The following CRYBG3 variants were observed in gnomAD, a reference collection of about 807,000 sequenced individuals.
CRYBG3 encodes very large A-kinase anchor protein.
Under a neutral mutation model 244.2 loss-of-function variants are expected in CRYBG3, and 127 were observed. That is an observed-to-expected ratio of 0.52 (90% CI 0.45 to 0.60). CRYBG3 has a LOEUF of 0.60. Ranked by LOEUF, CRYBG3 falls within the 20% of genes least tolerant of loss-of-function variation. CRYBG3 has a pLI of 0.00. For synonymous variants in CRYBG3, 1,132 were observed against 1,195.8 expected, an observed-to-expected ratio of 0.95 and a Z score of 1.10; for missense variants, 3,325 against 3,442.5, an observed-to-expected ratio of 0.97 and a Z score of 0.85.
At chr3:97,863,874 T>A (rs2039186684) in intron 2 of CRYBG3, among the ~76,000 whole-genome samples, 1 of 152,160 alleles carries the variant, frequency 6.6e-6, no homozygotes, top group South Asian at 2.1e-4. Flanking sequence ...GAGCATCACA[T>A]AGTCACTTTT....
At position 97,873,917 on chromosome 3, in the gene CRYBG3, A is replaced by C; in HGVS notation, c.2723A>C (p.Gln908Pro). 1 of 1,536,026 alleles carries C rather than the reference A, an allele frequency of 6.5e-7. No homozygotes were observed. Among genetic ancestry groups the C allele is most frequent in the East Asian group, 2.4e-5 (1 of 40,910 alleles). ...CSDAGLKENC[Q>P]AELSPAASKY... ...GATGCTGGCCTTAAAGAGAATTGCC[A>C]AGCTGAGCTTTCTCCTGCTGCCTCC... The change falls in exon 4 of 22, where the codon CAA (glutamine) becomes CCA (proline). Residue 908 changes from glutamine (Q) to proline (P), a missense_variant. Coordinates refer to ENST00000389622, the MANE Select transcript of CRYBG3 (RefSeq NM_153605.4).
At chr3:97,879,232 T>C (rs552521957) in intron 4 of CRYBG3, among the ~76,000 whole-genome samples, 13 of 152,302 alleles carry the variant, frequency 8.5e-5, no homozygotes, top group African/African-American at 2.4e-4. Flanking sequence ...CAGTACACTT[T>C]TCCCCAGGAT....
intron 17 of CRYBG3, among the ~76,000 whole-genome samples, chr3:97,926,737 T>A (rs1345399284): frequency 6.6e-6 from 1 of 152,028 alleles, no homozygotes; most frequent in East Asian, 1.9e-4. Context: ...GGATACAAAA[T>A]CAGTGTAGAA....
In CRYBG3 at chr3:97,911,335, A is replaced by C. The variant is rs148214913; in HGVS notation, c.8005-832A>C. ...GTTCCAAGTCTCCAGTGTGTTATGA[A>C]ATTTTTACGGGCTCTTTAATTTTTT... On this transcript the variant is annotated intron_variant, in intron 15 of 21. Transcript: ENST00000389622. Among the ~76,000 whole-genome samples, 9 of 152,204 alleles carry C rather than the reference A, an allele frequency of 5.9e-5. No homozygotes were observed. In the East Asian group the frequency reaches 1.5e-3, roughly 26 times the overall value.
In CRYBG3 at chr3:97,892,940, G is replaced by T. The variant is rs1488061268; in HGVS notation, c.7521G>T (p.Leu2507Phe). ...ATATAGATTCTGTTCCTAATTTTTT[G>T]AAAAATAATGGAGATTTTCACAGAA... Reference protein sequence around the residue: ...SEHIDSVPNFLKNNGDFHRIG... With the variant: ...SEHIDSVPNFFKNNGDFHRIG... The change falls in exon 11 of 22, where the codon TTG (leucine) becomes TTT (phenylalanine). Residue 2507 changes from leucine (L) to phenylalanine (F), a missense_variant. Around this residue, in one of 4 missense-constraint regions of CRYBG3, gnomAD observed 714 missense variants for 803.6 expected, o/e 0.89. Coordinates refer to ENST00000389622, the MANE Select transcript of CRYBG3 (RefSeq NM_153605.4). 6.2e-7 allele frequency: 1 copy of T among 1,601,238 alleles called. No homozygotes were observed. Among genetic ancestry groups the T allele is most frequent in the East Asian group, 2.3e-5 (1 of 44,172 alleles).
At chr3:97,919,361 G>GA (rs2108255810) in intron 17 of CRYBG3, among the ~76,000 whole-genome samples, 1 of 152,130 alleles carries the variant, frequency 6.6e-6, no homozygotes, top group Non-Finnish European at 1.5e-5. Flanking sequence ...AAGCATCTGG[G>GA]AAAAATAATA....
At chr3:97,926,975 A>G (rs1420456686) in intron 17 of CRYBG3, among the ~76,000 whole-genome samples, 1 of 152,112 alleles carries the variant, frequency 6.6e-6, no homozygotes, top group African/African-American at 2.4e-5. Context: ...CAATGTCATT[A>G]AAATGGCCAT....
At chr3:97,843,700 G>T (rs2038856011) in intron 2 of CRYBG3, among the ~76,000 whole-genome samples, 1 of 152,288 alleles carries the variant, frequency 6.6e-6, no homozygotes, top group East Asian at 1.9e-4. Context: ...TCTGTGTTAG[G>T]TGTGTTTGGT....
At position 97,874,660 on chromosome 3, in the gene CRYBG3, G is replaced by A. The variant is rs752367323; in HGVS notation, c.3466G>A (p.Ala1156Thr). 15 of 1,535,886 alleles carry A rather than the reference G, an allele frequency of 9.8e-6. No individual in the cohort carries two copies. The highest frequency in any genetic ancestry group is 1.3e-5 in the Non-Finnish European group (15 of 1,146,860). Reference protein sequence around the residue: ...FDNLVEAETGAVAGPAASVNS... With the variant: ...FDNLVEAETGTVAGPAASVNS... ...CAATCTCGTGGAAGCAGAGACTGGAGCAGTTGCTGGGCCTGCAGCGTCAGT... is the reference window on the plus strand; with the variant it reads ...CAATCTCGTGGAAGCAGAGACTGGAACAGTTGCTGGGCCTGCAGCGTCAGT... Residue 1156 changes from alanine (A) to threonine (T), a missense_variant, in exon 4 of 22, where the codon GCA (alanine) becomes ACA (threonine). Physicochemically the swap from Ala to Thr is moderately conservative, Grantham distance 58. Around this residue, in one of 4 missense-constraint regions of CRYBG3, gnomAD observed 1,526 missense variants for 1,443.2 expected, o/e 1.06. Coordinates refer to ENST00000389622, the MANE Select transcript of CRYBG3 (RefSeq NM_153605.4).
chr3:97,929,291 T>A (rs2040073175), intron 17 of CRYBG3, among the ~76,000 whole-genome samples: 1 of 151,982 alleles, frequency 6.6e-6, no homozygotes. Flanking sequence ...TTTTTATGCT[T>A]GGAAAGTTCG....
At position 97,822,283 on chromosome 3, in the gene CRYBG3, G is replaced by A; in HGVS notation, c.77G>A (p.Arg26Gln). 6.5e-7 allele frequency: 1 copy of A among 1,530,844 alleles called. No homozygotes were observed. The highest frequency in any genetic ancestry group is 8.7e-7 in the Non-Finnish European group (1 of 1,144,730). 94.8% of individuals were successfully genotyped at this position (1,530,844 alleles called of 1,614,324 possible). ...SRFFAPRSPS[R>Q]DKEEEEEERP... ...TTCTTCGCTCCCCGAAGTCCTTCCC[G>A]GGACAAGGAAGAGGAAGAGGAGGAG... The change falls in exon 1 of 22, where the codon CGG becomes CAG. Residue 26 changes from arginine (R) to glutamine (Q), a missense_variant. This residue lies in a region of CRYBG3 where 1,526 missense variants were observed against 1,443.2 expected (regional missense o/e 1.06). Transcript: ENST00000389622.
At chr3:97,926,658 T>C (rs2040043428) in intron 17 of CRYBG3, among the ~76,000 whole-genome samples, 1 of 152,072 alleles carries the variant, frequency 6.6e-6, no homozygotes, top group African/African-American at 2.4e-5. Flanking sequence ...TATGATTCTA[T>C]ACTTAGAGAA....
At position 97,942,297 on chromosome 3, in the gene CRYBG3, G is replaced by A. The variant is rs771146843; in HGVS notation, c.8678G>A (p.Cys2893Tyr). 2.5e-6 allele frequency: 4 copies of A among 1,610,188 alleles called. 1 individual carries two copies. In the South Asian group the frequency reaches 3.3e-5, roughly 13 times the overall value. ...TAACCCTTTTAGGCCAGTGATACAT[G>A]TCTTGATGTGATTGGTGGCCGGGAC... ...GLFKSKASDT[C>Y]LDVIGGRDTP... is the part of the protein sequence containing the mutation. The change falls in exon 21 of 22, where the codon TGT (cysteine) becomes TAT (tyrosine). Residue 2893 changes from cysteine (C) to tyrosine (Y), a missense_variant. By Grantham distance (194) the Cys-to-Tyr change is radical. Transcript: ENST00000389622.
intron 1 of CRYBG3, among the ~76,000 whole-genome samples, chr3:97,841,817 C>G (rs2038823739): frequency 6.6e-6 from 1 of 152,124 alleles, no homozygotes; most frequent in Admixed American, 6.6e-5. Flanking sequence ...GTCTGGTATT[C>G]ACTAATTTTT....
rs1559728210 is a variant in CRYBG3 at position 97,874,483 on chromosome 3, AC to A, written c.3291del (p.Ser1098LeufsTer2). ...QVTKDLTHEG[T>X]SVTNLLYPTT... ...TACCAAAGATCTCACACATGAAGGT[AC>A]CTCTGTAACTAACCTGTTGTACCCT... is the stretch of plus-strand genomic sequence containing the variant. On this transcript the variant is annotated frameshift_variant, in exon 4 of 22. Transcript: ENST00000389622. LOFTEE classifies it high-confidence loss of function. The A allele has an allele frequency of 6.5e-7, 1 of 1,533,992 alleles. No homozygotes were observed. The highest frequency in any genetic ancestry group is 1.2e-5 in the South Asian group (1 of 83,540).
chr3:97,857,403 C>T (rs567478237), intron 2 of CRYBG3, among the ~76,000 whole-genome samples: 18 of 149,628 alleles, frequency 1.2e-4, no homozygotes, highest in East Asian at 7.8e-4. Context: ...AAATTTAATC[C>T]GCGATTTCCT....
At chr3:97,863,666 A>G (rs1288070341) in intron 2 of CRYBG3, among the ~76,000 whole-genome samples, 2 of 152,136 alleles carry the variant, frequency 1.3e-5, no homozygotes, top group Admixed American at 1.3e-4. Context: ...TGTTATCTCA[A>G]GTACCAAGAA....
intron 3 of CRYBG3, among the ~76,000 whole-genome samples, chr3:97,866,897 T>G (rs933870108): frequency 3.3e-5 from 5 of 152,222 alleles, no homozygotes; most frequent in Admixed American, 2.6e-4. Flanking sequence ...AAAAACCACC[T>G]GACTGCCAGT....
At position 97,872,447 on chromosome 3, in the gene CRYBG3, G is replaced by A; in HGVS notation, c.1253G>A (p.Arg418Lys). The A allele has an allele frequency of 6.5e-7, 1 of 1,535,910 alleles. No homozygotes were observed. Among genetic ancestry groups the A allele is most frequent in the Non-Finnish European group, 8.7e-7 (1 of 1,146,794 alleles). Residue 418 changes from arginine to lysine, a missense_variant, in exon 4 of 22, where the codon AGG becomes AAG. This residue lies in a region of CRYBG3 where 1,526 missense variants were observed against 1,443.2 expected (regional missense o/e 1.06). Coordinates refer to ENST00000389622, the MANE Select transcript of CRYBG3 (RefSeq NM_153605.4). ...GAAAACAGCACTGTGATGAGTAATA[G>A]GACATTGGTGCAAAGAGAGGAGCTT... Reference protein sequence around the residue: ...IKENSTVMSNRTLVQREELVE... With the variant: ...IKENSTVMSNKTLVQREELVE...
Sources: allele counts gnomAD v4.1 joint callset (sites outside exome capture counted in the v4.1 genomes callset), GRCh38; gene constraint gnomAD v4.1.1; regional missense constraint gnomAD v4.1.1; transcripts MANE v1.5; gene names NCBI Gene and HGNC (gene_info 2026-07-23, HGNC 2026-07-21).